Variants in FSHR observed in about 807,000 individuals in gnomAD.
FSHR encodes follicle stimulating hormone receptor, also known as follicle-stimulating hormone receptor.
A neutral mutation model predicts 52.1 loss-of-function variants in FSHR; 46 were observed. The observed-to-expected ratio is 0.88, with a 90% CI of 0.70 to 1.13. The LOEUF (loss-of-function observed/expected upper bound fraction) is 1.13, where lower values mean the gene tolerates loss of function less well. Among genes scored for constraint, FSHR ranks in the 50% most tolerant of loss-of-function variants. The pLI, the probability that FSHR is intolerant of heterozygous loss-of-function variation, is 0.00. For synonymous variants in FSHR, 399 were observed against 309.6 expected (o/e 1.29, Z -3.03); for missense variants, 964 against 834.6 (o/e 1.16, Z -1.91).
At chr2:49,105,403 G>A (rs1359203141) in intron 1 of FSHR, among the ~76,000 whole-genome samples, 1 of 152,074 alleles carries the variant, frequency 6.6e-6, no homozygotes, top group Non-Finnish European at 1.5e-5. Flanking sequence ...TTCAGTTCAA[G>A]GGCAAGGTGA....
chr2:49,010,907 A>T (rs943845131), intron 4 of FSHR, among the ~76,000 whole-genome samples: 2 of 151,138 alleles, frequency 1.3e-5, no homozygotes, highest in African/African-American at 4.9e-5. Context: ...CATCTATTGG[A>T]TTCTTCTCTC....
rs374657903 is a variant in FSHR at position 49,045,319 on chromosome 2, G to A, written c.224+22900C>T. 5.7e-4 allele frequency among the ~76,000 whole-genome samples: 86 copies of A among 152,186 alleles called. 4 individuals are homozygous for A. In the South Asian group the frequency reaches 0.017, roughly 29 times the overall value. ...AGCTGGTTTAGGCAGACAAATCTTA[G>A]GTCCACCCAGACCTACTCAATCAGA... On this transcript the variant is annotated intron_variant, in intron 2 of 9. Transcript: ENST00000406846.
At chr2:49,145,305 C>T (rs10495968) in intron 1 of FSHR, among the ~76,000 whole-genome samples, 43,513 of 151,964 alleles carry the variant, frequency 0.29, 6,528 homozygotes, top group East Asian at 0.47. Flanking sequence ...ATTTGGACAC[C>T]TTTCCATTGA....
intron 1 of FSHR, among the ~76,000 whole-genome samples, chr2:49,093,549 C>A (rs1467779858): frequency 6.7e-6 from 1 of 150,040 alleles, no homozygotes; most frequent in African/African-American, 2.4e-5. Flanking sequence ...CATAGTCTCT[C>A]TTTTTTCATC....
At chr2:49,078,199 G>GGT (rs541072175) in intron 1 of FSHR, among the ~76,000 whole-genome samples, 16 of 152,190 alleles carry the variant, frequency 1.1e-4, no homozygotes, top group Non-Finnish European at 2.1e-4. Context: ...TCACAATCAT[G>GGT]GTGGAAAGCA....
intron 8 of FSHR, among the ~76,000 whole-genome samples, chr2:48,979,847 A>T (rs367666092): frequency 6.6e-6 from 1 of 151,852 alleles, no homozygotes; most frequent in South Asian, 2.1e-4. Context: ...GGGGACTGCA[A>T]TCTGACCCAA....
At chr2:48,986,135 C>T (rs926102395) in intron 6 of FSHR, among the ~76,000 whole-genome samples, 1 of 152,210 alleles carries the variant, frequency 6.6e-6, no homozygotes, top group Admixed American at 6.5e-5. Flanking sequence ...TCTCTCTCCT[C>T]CCTCAGGTAG....
At chr2:49,071,489 A>G (rs974778963) in intron 1 of FSHR, among the ~76,000 whole-genome samples, 4 of 152,224 alleles carry the variant, frequency 2.6e-5, no homozygotes, top group African/African-American at 9.6e-5. Context: ...TTAGCTATGA[A>G]TAAACTTCTA....
At chr2:49,093,609 T>TG (rs1670701780) in intron 1 of FSHR, among the ~76,000 whole-genome samples, 1 of 150,708 alleles carries the variant, frequency 6.6e-6, no homozygotes, top group South Asian at 2.1e-4. Context: ...TTTTTTTTTT[T>TG]TTTGAGACGG....
intron 1 of FSHR, among the ~76,000 whole-genome samples, chr2:49,132,986 A>G (rs557742288): frequency 2.0e-5 from 3 of 149,684 alleles, no homozygotes; most frequent in African/African-American, 7.4e-5. Context: ...AAAAAAAAAA[A>G]AAAAAAAAAG....
At chr2:49,026,663 G>T (rs559858772) in intron 2 of FSHR, among the ~76,000 whole-genome samples, 1 of 152,190 alleles carries the variant, frequency 6.6e-6, no homozygotes, top group Non-Finnish European at 1.5e-5. Flanking sequence ...GAAAAGTTGC[G>T]AGTGCAGAGT....
intron 6 of FSHR, among the ~76,000 whole-genome samples, chr2:48,985,694 C>T (rs1466662762): frequency 1.6e-5 from 2 of 124,808 alleles, no homozygotes; most frequent in African/African-American, 6.0e-5. Flanking sequence ...GGAGCAAGTA[C>T]AGGTTTTTTT....
intron 1 of FSHR, among the ~76,000 whole-genome samples, chr2:49,102,436 AT>A (rs1229810227): frequency 6.6e-6 from 1 of 152,152 alleles, no homozygotes; most frequent in East Asian, 1.9e-4. Flanking sequence ...CTAAGACACT[AT>A]GGGGTTGGAG....
intron 1 of FSHR, among the ~76,000 whole-genome samples, chr2:49,144,392 T>G (rs1672795621): frequency 6.6e-6 from 1 of 152,176 alleles, no homozygotes; most frequent in East Asian, 1.9e-4. Context: ...CTATTTGCAC[T>G]TCTTTCCCCT....
chr2:49,074,588 A>G (rs1385040172), intron 1 of FSHR, among the ~76,000 whole-genome samples: 3 of 152,168 alleles, frequency 2.0e-5, no homozygotes, highest in Admixed American at 1.3e-4. Context: ...TAGTACAGAC[A>G]CTATAAAAAA....
chr2:49,098,315 T>G (rs973020589), intron 1 of FSHR, among the ~76,000 whole-genome samples: 13 of 152,048 alleles, frequency 8.5e-5, no homozygotes, highest in African/African-American at 2.9e-4. Context: ...TAAAGGCACA[T>G]GATAAATTTA....
intron 8 of FSHR, among the ~76,000 whole-genome samples, chr2:48,977,943 T>C (rs1675066058): frequency 6.6e-6 from 1 of 152,220 alleles, no homozygotes; most frequent in Non-Finnish European, 1.5e-5. Flanking sequence ...ATGATTTTGG[T>C]CTTTCTTTTA....
intron 4 of FSHR, among the ~76,000 whole-genome samples, chr2:49,004,869 G>T (rs1667023215): frequency 6.6e-6 from 1 of 152,118 alleles, no homozygotes; most frequent in Admixed American, 6.6e-5. Context: ...CAACTACCTT[G>T]TAAGAAGGCA....
intron 2 of FSHR, among the ~76,000 whole-genome samples, chr2:49,066,654 A>G (rs542294217): frequency 6.6e-6 from 1 of 152,242 alleles, no homozygotes; most frequent in African/African-American, 2.4e-5. Flanking sequence ...TTACTGAGCC[A>G]GCTGCTGTGG....
Sources: gnomAD v4.1 joint callset for allele counts (sites outside exome capture counted in the v4.1 genomes callset) on GRCh38, gnomAD v4.1.1 for gene constraint, MANE v1.5 for transcripts, NCBI Gene and HGNC (gene_info 2026-07-23, HGNC 2026-07-21) for gene names.